The following CDK14 variants were observed in gnomAD, a reference collection of about 807,000 sequenced individuals.
CDK14 encodes the protein cyclin-dependent kinase 14.
In CDK14, 34 loss-of-function variants were observed where a neutral mutation model predicts 60.7. The observed-to-expected ratio is 0.56, with a 90% confidence interval of 0.43 to 0.75. The LOEUF is 0.75. CDK14 is among the 30% of genes least tolerant of loss of function. The pLI is 0.00. For missense variants in CDK14, 482 were observed against 564.1 expected (o/e 0.85, Z 1.47); for synonymous variants, 197 against 203.7 (o/e 0.97, Z 0.28).
chr7:90,993,221 A>G (rs1795587728), intron 10 of CDK14, among the ~76,000 whole-genome samples: 1 of 152,132 alleles, frequency 6.6e-6, no homozygotes, highest in Admixed American at 6.6e-5. Context: ...CCAGGTTACA[A>G]TGGATTTAAA....
chr7:91,172,052 T>C (rs1411390242), intron 14 of CDK14, among the ~76,000 whole-genome samples: 1 of 152,232 alleles, frequency 6.6e-6, no homozygotes, highest in East Asian at 1.9e-4. Flanking sequence ...AATTTTATCA[T>C]AAAACAAAAT....
At chr7:90,737,575 A>G (rs964083381) in intron 3 of CDK14, among the ~76,000 whole-genome samples, 2 of 152,110 alleles carry the variant, frequency 1.3e-5, no homozygotes, top group African/African-American at 4.8e-5. Flanking sequence ...TGGTGTTTGG[A>G]TCCATACCTC....
At chr7:90,997,853 A>G (rs1795729252) in intron 10 of CDK14, among the ~76,000 whole-genome samples, 1 of 152,190 alleles carries the variant, frequency 6.6e-6, no homozygotes, top group South Asian at 2.1e-4. Context: ...GAGTGTCTTT[A>G]GTAAGCCTGA....
chr7:90,675,348 TA>T (rs1801178527), intron 2 of CDK14, among the ~76,000 whole-genome samples: 1 of 152,118 alleles, frequency 6.6e-6, no homozygotes. Context: ...TCAAACTTCT[TA>T]AAAGTATTTT....
At chr7:91,075,817 A>G (rs377662656) in intron 11 of CDK14, among the ~76,000 whole-genome samples, 1 of 152,188 alleles carries the variant, frequency 6.6e-6, no homozygotes, top group African/African-American at 2.4e-5. Flanking sequence ...ATTCCTACGT[A>G]CCAACAATAG....
intron 12 of CDK14, among the ~76,000 whole-genome samples, chr7:91,109,102 T>G (rs1244337657): frequency 6.6e-6 from 1 of 152,194 alleles, no homozygotes; most frequent in African/African-American, 2.4e-5. Context: ...TACCAGCTGT[T>G]ATTGTTTGAA....
intron 12 of CDK14, among the ~76,000 whole-genome samples, chr7:91,090,482 A>C (rs1263646947): frequency 7.2e-5 from 11 of 152,146 alleles, no homozygotes; most frequent in Admixed American, 7.2e-4. Context: ...TTTAATTTTT[A>C]TTAGTTTAAA....
At chr7:90,907,049 A>G (rs1205186760) in intron 7 of CDK14, among the ~76,000 whole-genome samples, 1 of 152,100 alleles carries the variant, frequency 6.6e-6, no homozygotes, top group Non-Finnish European at 1.5e-5. Flanking sequence ...AATTTTTGAC[A>G]AAGTAATTTT....
chr7:90,947,550 A>T (rs996732681), intron 8 of CDK14, among the ~76,000 whole-genome samples: 2 of 152,238 alleles, frequency 1.3e-5, no homozygotes, highest in African/African-American at 4.8e-5. Flanking sequence ...CCATTAGAGT[A>T]CCTAACAGAT....
chr7:90,958,617 AG>A (rs1467013979), intron 9 of CDK14, among the ~76,000 whole-genome samples: 6 of 152,136 alleles, frequency 3.9e-5, no homozygotes, highest in Non-Finnish European at 8.8e-5. Flanking sequence ...TGGCAGAAAA[AG>A]TTGAAAATAA....
intron 6 of CDK14, among the ~76,000 whole-genome samples, chr7:90,869,553 G>A (rs1791298914): frequency 6.6e-6 from 1 of 152,218 alleles, no homozygotes; most frequent in South Asian, 2.1e-4. Context: ...GAAATTATTT[G>A]ATCTGACTCA....
At chr7:90,896,387 A>C (rs534876536) in intron 6 of CDK14, among the ~76,000 whole-genome samples, 1 of 152,278 alleles carries the variant, frequency 6.6e-6, no homozygotes, top group South Asian at 2.1e-4. Context: ...CATTGAACTT[A>C]AAACACCATT....
intron 9 of CDK14, among the ~76,000 whole-genome samples, chr7:90,964,651 A>G (rs1248750314): frequency 6.6e-6 from 1 of 152,100 alleles, no homozygotes; most frequent in African/African-American, 2.4e-5. Flanking sequence ...TAACTCTTTT[A>G]GACATGGTAT....
intron 14 of CDK14, among the ~76,000 whole-genome samples, chr7:91,148,851 T>C (rs1055352088): frequency 6.6e-6 from 1 of 152,178 alleles, no homozygotes; most frequent in Admixed American, 6.5e-5. Context: ...ATGGGAGATA[T>C]ACCTACTGCC....
intron 12 of CDK14, among the ~76,000 whole-genome samples, chr7:91,089,316 G>A (rs1291611459): frequency 6.6e-6 from 1 of 152,036 alleles, no homozygotes; most frequent in African/African-American, 2.4e-5. Flanking sequence ...CGGCATGATA[G>A]GACTATATTA....
chr7:90,597,383 A>G (rs951890569), intron 1 of CDK14: 6 of 152,270 alleles, frequency 3.9e-5, no homozygotes, highest in African/African-American at 1.2e-4. Flanking sequence ...AAACCAAACA[A>G]CAAACCAACT....
chr7:91,112,199 A>G (rs1799484456), intron 12 of CDK14, among the ~76,000 whole-genome samples: 2 of 152,176 alleles, frequency 1.3e-5, no homozygotes, highest in South Asian at 4.1e-4. Context: ...AGATGTGGGT[A>G]TAGTACATAG....
intron 2 of CDK14, among the ~76,000 whole-genome samples, chr7:90,674,859 C>T (rs1322791267): frequency 6.6e-6 from 1 of 152,182 alleles, no homozygotes; most frequent in East Asian, 1.9e-4. Context: ...TCTCACCTCT[C>T]CTTCCCTGCC....
At chr7:90,813,157 G>A (rs569446883) in intron 5 of CDK14, among the ~76,000 whole-genome samples, 3 of 152,102 alleles carry the variant, frequency 2.0e-5, no homozygotes, top group Non-Finnish European at 4.4e-5. Context: ...TATACCAAGC[G>A]TATTTTGTTT....
Sources: allele counts gnomAD v4.1 joint callset (sites outside exome capture counted in the v4.1 genomes callset), GRCh38; gene constraint gnomAD v4.1.1; transcripts MANE v1.5; gene names NCBI Gene and HGNC (gene_info 2026-07-23, HGNC 2026-07-21).